Variants in ATG10 observed in about 807,000 individuals in gnomAD.
ATG10 encodes autophagy related 10.
In ATG10, 30 loss-of-function variants were observed where a neutral mutation model predicts 32.1. The observed-to-expected ratio is 0.94, with a 90% CI of 0.70 to 1.27. The LOEUF is 1.27. Among genes scored for constraint, ATG10 ranks in the 50% most tolerant of loss-of-function variants. ATG10 has a pLI of 0.00. For synonymous variants in ATG10, 87 were observed against 91.5 expected (o/e 0.95, Z 0.28); for missense variants, 233 against 262.3 (o/e 0.89, Z 0.77).
intron 5 of ATG10, among the ~76,000 whole-genome samples, chr5:82,180,120 C>T (rs765758235): frequency 1.1e-4 from 17 of 152,096 alleles, no homozygotes; most frequent in Non-Finnish European, 1.8e-4. Context: ...AATAGTTCTC[C>T]GAGGGCCTAT....
At chr5:82,067,387 A>C (rs984539517) in intron 3 of ATG10, among the ~76,000 whole-genome samples, 2 of 152,158 alleles carry the variant, frequency 1.3e-5, no homozygotes, top group African/African-American at 4.8e-5. Flanking sequence ...TTGTTTACTC[A>C]TTCTTGAAAC....
At chr5:82,051,290 C>A (rs1404630038) in intron 2 of ATG10, among the ~76,000 whole-genome samples, 1 of 152,158 alleles carries the variant, frequency 6.6e-6, no homozygotes, top group Non-Finnish European at 1.5e-5. Flanking sequence ...AGGCTTAATT[C>A]TTTCCCAGAA....
chr5:82,222,157 T>C (rs1003675626), intron 5 of ATG10, among the ~76,000 whole-genome samples: 5 of 152,350 alleles, frequency 3.3e-5, no homozygotes, highest in Middle Eastern at 3.4e-3. Flanking sequence ...TCCTCTGCCA[T>C]GGCAAGACAA....
At chr5:82,028,653 T>C (rs995162146) in intron 2 of ATG10, among the ~76,000 whole-genome samples, 2 of 152,240 alleles carry the variant, frequency 1.3e-5, no homozygotes, top group Non-Finnish European at 2.9e-5. Context: ...TATACAACTT[T>C]GCACTGTTTC....
chr5:81,983,054 C>G (rs1481200115), intron 1 of ATG10, among the ~76,000 whole-genome samples: 1 of 152,220 alleles, frequency 6.6e-6, no homozygotes. Flanking sequence ...GGCCCATTCT[C>G]AATGAGCTGT....
At chr5:82,028,869 G>T (rs1762666957) in intron 2 of ATG10, among the ~76,000 whole-genome samples, 1 of 152,132 alleles carries the variant, frequency 6.6e-6, no homozygotes, top group South Asian at 2.1e-4. Flanking sequence ...CATATGTATT[G>T]ATAAAGTTTA....
chr5:82,029,020 A>G (rs1315849419), intron 2 of ATG10, among the ~76,000 whole-genome samples: 1 of 152,194 alleles, frequency 6.6e-6, no homozygotes, highest in Non-Finnish European at 1.5e-5. Flanking sequence ...TAAGGAAGAG[A>G]TACATTATTG....
At chr5:82,097,963 G>C (rs950949096) in intron 3 of ATG10, among the ~76,000 whole-genome samples, 3 of 152,156 alleles carry the variant, frequency 2.0e-5, no homozygotes, top group Non-Finnish European at 2.9e-5. Context: ...AAAAAGGATA[G>C]ACTGTAACTC....
intron 5 of ATG10, among the ~76,000 whole-genome samples, chr5:82,191,247 C>T (rs993607694): frequency 2.6e-5 from 4 of 152,178 alleles, no homozygotes; most frequent in Non-Finnish European, 5.9e-5. Context: ...TTGATTGGCA[C>T]ATACATTTTA....
At chr5:82,071,458 C>T (rs375982932) in intron 3 of ATG10, among the ~76,000 whole-genome samples, 1 of 152,130 alleles carries the variant, frequency 6.6e-6, no homozygotes, top group East Asian at 1.9e-4. Context: ...AGAGAGGCTG[C>T]AGGAGCACAC....
intron 5 of ATG10, among the ~76,000 whole-genome samples, chr5:82,206,871 T>C (rs952302432): frequency 6.6e-6 from 1 of 152,206 alleles, no homozygotes; most frequent in African/African-American, 2.4e-5. Flanking sequence ...TTGAATGTTG[T>C]ATAGATGAAA....
intron 3 of ATG10, among the ~76,000 whole-genome samples, chr5:82,116,628 A>G (rs1456778971): frequency 6.6e-6 from 1 of 152,132 alleles, no homozygotes; most frequent in South Asian, 2.1e-4. Flanking sequence ...TAGAAGGTCT[A>G]TTATATTATT....
At chr5:82,084,575 C>T (rs1764602215) in intron 3 of ATG10, among the ~76,000 whole-genome samples, 2 of 152,128 alleles carry the variant, frequency 1.3e-5, no homozygotes, top group Admixed American at 6.5e-5. Flanking sequence ...TTAAGGGCAG[C>T]CAGAGAGAAA....
At chr5:82,090,720 C>G (rs114889569) in intron 3 of ATG10, among the ~76,000 whole-genome samples, 1 of 152,236 alleles carries the variant, frequency 6.6e-6, no homozygotes, top group Non-Finnish European at 1.5e-5. Context: ...TGTATCAGTG[C>G]AAATCATCCT....
At chr5:81,997,674 C>T (rs545838023) in intron 2 of ATG10, among the ~76,000 whole-genome samples, 1 of 152,166 alleles carries the variant, frequency 6.6e-6, no homozygotes, top group Non-Finnish European at 1.5e-5. Flanking sequence ...AAGAAATGGC[C>T]ATTTTTAAGA....
chr5:82,077,769 T>C (rs1407908329), intron 3 of ATG10, among the ~76,000 whole-genome samples: 1 of 152,184 alleles, frequency 6.6e-6, no homozygotes, highest in African/African-American at 2.4e-5. Context: ...TGGCACTTCG[T>C]TCTGATTTGA....
rs1165765602 is a variant in ATG10 at position 82,255,277 on chromosome 5, AAGT to A, written c.*1216_*1218del. On this transcript the variant is annotated 3_prime_UTR_variant, in exon 8 of 8. Transcript: ENST00000282185. Reference sequence around the variant, plus strand: ...CATTAATGCATGATAAGATATTGTAAAGTATTATACGAATATTCATTAAATGCT... The same window carrying A: ...CATTAATGCATGATAAGATATTGTAAATTATACGAATATTCATTAAATGCT... The A allele has an allele frequency of 2.0e-5, 3 of 152,196 alleles. No homozygotes were observed. The highest frequency in any genetic ancestry group is 4.4e-5 in the Non-Finnish European group (3 of 68,034). The allele number at this position is 152,196 out of a possible 1,614,324, so 9.4% of individuals were successfully genotyped here. A position where few individuals can be genotyped will look rare whatever the true frequency, so the allele number is the denominator to read the frequency against.
intron 2 of ATG10, among the ~76,000 whole-genome samples, chr5:82,027,213 A>G (rs762302132): frequency 2.6e-5 from 4 of 152,146 alleles, no homozygotes; most frequent in Non-Finnish European, 2.9e-5. Flanking sequence ...AGCCTGGGCA[A>G]CGTAGTGTGA....
At chr5:82,183,675 G>T (rs1339145620) in intron 5 of ATG10, among the ~76,000 whole-genome samples, 1 of 152,050 alleles carries the variant, frequency 6.6e-6, no homozygotes, top group Non-Finnish European at 1.5e-5. Flanking sequence ...TTATTTATTA[G>T]TTGGACTACT....
Sources: gnomAD v4.1 joint callset for allele counts (sites outside exome capture counted in the v4.1 genomes callset) on GRCh38, gnomAD v4.1.1 for gene constraint, MANE v1.5 for transcripts, NCBI Gene and HGNC (gene_info 2026-07-23, HGNC 2026-07-21) for gene names.